The following ITPR1 variants were observed in gnomAD, a reference collection of about 807,000 sequenced individuals.
The protein encoded by ITPR1 is inositol 1,4,5-trisphosphate receptor type 1.
In ITPR1, 96 loss-of-function variants were observed where a neutral mutation model predicts 318.4. That is an observed-to-expected ratio of 0.30 (90% CI 0.26 to 0.36). The LOEUF is 0.36. ITPR1 is among the 10% of genes least tolerant of loss of function. The pLI, the probability that ITPR1 is intolerant of heterozygous loss-of-function variation, is 1.00. For synonymous variants in ITPR1, 1,312 were observed against 1,289.9 expected, an observed-to-expected ratio of 1.02 and a Z score of -0.37; for missense variants, 2,440 against 3,460.2, an observed-to-expected ratio of 0.71 and a Z score of 7.40.
At chr3:4,725,154 C>G (rs1003271920) in intron 40 of ITPR1, among the ~76,000 whole-genome samples, 1 of 151,862 alleles carries the variant, frequency 6.6e-6, no homozygotes, top group Non-Finnish European at 1.5e-5. Context: ...ACCCCTGCTC[C>G]CCTGAGAGCC....
At chr3:4,553,225 A>T (rs2085749472) in intron 4 of ITPR1, among the ~76,000 whole-genome samples, 1 of 152,120 alleles carries the variant, frequency 6.6e-6, no homozygotes, top group Non-Finnish European at 1.5e-5. Context: ...CGGGCATTAA[A>T]CATGAATGGA....
chr3:4,800,735 G>GCTTCTGGCTATTT, intron 54 of ITPR1, 135 bp downstream of exon 54: 1 of 890,008 alleles, frequency 1.1e-6, no homozygotes, highest in Non-Finnish European at 1.7e-6. Flanking sequence ...TAAATAGCCA[G>GCTTCTGGCTATTT]AAGCAGGGGA....
At chr3:4,753,390 C>A (rs371952499) in intron 44 of ITPR1, among the ~76,000 whole-genome samples, 31 of 152,100 alleles carry the variant, frequency 2.0e-4, no homozygotes, top group African/African-American at 7.0e-4. Flanking sequence ...GCAGCTTTAC[C>A]CAGATGAGTG....
intron 2 of ITPR1, among the ~76,000 whole-genome samples, chr3:4,510,418 C>T (rs771538808): frequency 8.6e-5 from 13 of 152,036 alleles, no homozygotes; most frequent in East Asian, 5.8e-4. Context: ...TTCAGAGAAA[C>T]GAGTAGGAAG....
intron 16 of ITPR1, among the ~76,000 whole-genome samples, 193 bp from the exon 17 acceptor site, chr3:4,664,945 C>T (rs1375655874): frequency 6.6e-6 from 1 of 152,152 alleles, no homozygotes; most frequent in African/African-American, 2.4e-5. Context: ...CCAGTGGAGT[C>T]CAGTAGACTT....
chr3:4,758,246 G>A (rs2045159129), intron 44 of ITPR1, among the ~76,000 whole-genome samples: 1 of 152,154 alleles, frequency 6.6e-6, no homozygotes. Flanking sequence ...GAGGGCTTCT[G>A]AAAGGTGGAC....
In ITPR1 at chr3:4,639,438, G is replaced by C; in HGVS notation, c.334G>C (p.Gly112Arg). 1 of 1,582,622 alleles carries C rather than the reference G, an allele frequency of 6.3e-7. No homozygotes were observed. The highest frequency in any genetic ancestry group is 8.6e-7 in the Non-Finnish European group (1 of 1,164,006). Residue 112 changes from glycine (G) to arginine (R), a missense_variant, in exon 6 of 62, where the codon GGG (glycine) becomes CGG (arginine). Gly to Arg is a moderately radical substitution (Grantham distance 125). Transcript: ENST00000649015. Reference sequence around the variant, plus strand: ...TGAGACAGAAAACAGGAAATTGCTGGGGACCGTAATCCAGTATGGCAATGT... The same window carrying C: ...TGAGACAGAAAACAGGAAATTGCTGCGGACCGTAATCCAGTATGGCAATGT... ...QNETENRKLL[G>R]TVIQYGNVIQ...
intron 4 of ITPR1, among the ~76,000 whole-genome samples, chr3:4,575,620 A>G (rs1254833882): frequency 1.3e-5 from 2 of 152,156 alleles, no homozygotes; most frequent in Admixed American, 1.3e-4. Context: ...AATATTATTA[A>G]GAGCTGGCAG....
At chr3:4,520,365 T>A (rs1038296609) in intron 3 of ITPR1, among the ~76,000 whole-genome samples, 3 of 152,228 alleles carry the variant, frequency 2.0e-5, no homozygotes, top group African/African-American at 7.2e-5. Flanking sequence ...TTTTGTACTT[T>A]CCCCACTAGT....
intron 44 of ITPR1, among the ~76,000 whole-genome samples, chr3:4,759,921 CCT>C (rs1275678061): frequency 6.6e-6 from 1 of 152,234 alleles, no homozygotes; most frequent in Non-Finnish European, 1.5e-5. Flanking sequence ...GGGGTCACTG[CCT>C]CACCCTGCCC....
intron 55 of ITPR1, 72 bp from the exon 56 acceptor site, chr3:4,811,193 G>C (rs1282716063): frequency 5.3e-6 from 6 of 1,127,422 alleles, no homozygotes; most frequent in Non-Finnish European, 7.3e-6. Context: ...TATAAACCAA[G>C]TTTGCATTAT....
chr3:4,718,995 G>GA (rs1434882438), intron 40 of ITPR1, among the ~76,000 whole-genome samples: 1 of 152,186 alleles, frequency 6.6e-6, no homozygotes, highest in Non-Finnish European at 1.5e-5. Flanking sequence ...GTCGGGAAAG[G>GA]AAAACCTTCC....
At chr3:4,705,308 C>G (rs73112423) in intron 36 of ITPR1, among the ~76,000 whole-genome samples, 6,105 of 152,230 alleles carry the variant, frequency 0.04, 407 homozygotes, top group African/African-American at 0.14. Context: ...CCACAAATCC[C>G]TCACCCATTG....
intron 4 of ITPR1, among the ~76,000 whole-genome samples, chr3:4,621,650 A>ATGGCCTGCAC (rs1423894002): frequency 6.6e-6 from 1 of 152,132 alleles, no homozygotes; most frequent in African/African-American, 2.4e-5. Context: ...ATGCCTTCCC[A>ATGGCCTGCAC]TGGCCTGCAC....
At position 4,822,234 on chromosome 3, in the gene ITPR1, G is replaced by A. The variant is rs76630868; in HGVS notation, c.8028+3992G>A. Among the ~76,000 whole-genome samples, 262 of 152,332 alleles carry A rather than the reference G, an allele frequency of 1.7e-3. 2 individuals carry two copies. Among genetic ancestry groups the A allele is most frequent in the East Asian group, 0.016 (84 of 5,188 alleles). ...ACAGAGGGAGGGAGCAGGCGAAAGA[G>A]CAACAGGCCCAGAGCACAGCCAGCC... On this transcript the variant is annotated intron_variant, in intron 60 of 61. Transcript: ENST00000649015.
At chr3:4,797,766 A>G (rs780479106) in intron 53 of ITPR1, among the ~76,000 whole-genome samples, 3 of 152,234 alleles carry the variant, frequency 2.0e-5, no homozygotes, top group Non-Finnish European at 2.9e-5. Flanking sequence ...AATTTTGCCT[A>G]TCTTGTTTCA....
At chr3:4,516,927 A>G (rs1472080309) in intron 3 of ITPR1, among the ~76,000 whole-genome samples, 1 of 152,252 alleles carries the variant, frequency 6.6e-6, no homozygotes, top group Admixed American at 6.5e-5. Flanking sequence ...TGCAGAGCCC[A>G]AAGAAGTGCT....
intron 60 of ITPR1, among the ~76,000 whole-genome samples, chr3:4,818,810 G>C (rs1194581028): frequency 6.6e-6 from 1 of 152,186 alleles, no homozygotes; most frequent in Non-Finnish European, 1.5e-5. Context: ...CCAGGAAGCG[G>C]GGAAGCTGCT....
chr3:4,691,362 C>T lies in ITPR1; in HGVS notation c.4029+18C>T. On this transcript the variant is annotated intron_variant, in intron 32 of 61. Coordinates refer to ENST00000649015, the MANE Select transcript of ITPR1 (RefSeq NM_001378452.1). ...TGGCCGAGGTGATTGTTATATATTT[C>T]TGTATACCTCCATCTGGTGTTCTGT... 6.6e-7 allele frequency: 1 copy of T among 1,512,800 alleles called. No homozygotes were observed. The highest frequency in any genetic ancestry group is 9.2e-7 in the Non-Finnish European group (1 of 1,090,318). The allele number at this position is 1,512,800 out of a possible 1,614,324, so 93.7% of individuals were successfully genotyped here.
Sources: gnomAD v4.1 joint callset for allele counts (sites outside exome capture counted in the v4.1 genomes callset) on GRCh38, gnomAD v4.1.1 for gene constraint, MANE v1.5 for transcripts, NCBI Gene and HGNC (gene_info 2026-07-23, HGNC 2026-07-21) for gene names.